FAM131C: variants seen among roughly 807,000 people sequenced by gnomAD.
FAM131C encodes protein FAM131C.
A neutral mutation model predicts 29.8 loss-of-function variants in FAM131C; 14 were observed. That is an observed-to-expected ratio of 0.47 (90% CI 0.31 to 0.73). The LOEUF is 0.73. Ranked by LOEUF, FAM131C falls within the 30% of genes least tolerant of loss-of-function variation. The probability of loss-of-function intolerance (pLI) is 0.05; values close to 1 mark genes in which losing one functional copy is unlikely to be tolerated. For synonymous variants in FAM131C, 86 were observed against 157.8 expected (o/e 0.54, Z 3.41); for missense variants, 252 against 383.8 (o/e 0.66, Z 2.87).
intron 2 of FAM131C, 49 bp from the exon 3 acceptor site, chr1:16,062,583 C>A: frequency 1.9e-6 from 3 of 1,545,016 alleles, no homozygotes; most frequent in Non-Finnish European, 2.6e-6. Context: ...CACGCTGTGC[C>A]AGCAGATGGC....
Position 16,073,545 on chromosome 1 carries a change from G to C in FAM131C, c.-103C>G, listed in dbSNP as rs111837937. 26,254 of 577,052 alleles carry C rather than the reference G, an allele frequency of 0.045. 1,088 individuals are homozygous for C. The highest frequency in any genetic ancestry group is 0.17 in the African/African-American group (8,801 of 50,718). The allele number at this position is 577,052 out of a possible 1,614,324, so 35.7% of individuals were successfully genotyped here. ...CTGAGCGCTGCGGAGCCAGAGGACGGGCGGGGCGGGGGGCTCGGGCGCCCT... is the reference window on the plus strand; with the variant it reads ...CTGAGCGCTGCGGAGCCAGAGGACGCGCGGGGCGGGGGGCTCGGGCGCCCT... On this transcript the variant is annotated 5_prime_UTR_variant, in exon 1 of 7. Transcript: ENST00000375662.
intron 1 of FAM131C, among the ~76,000 whole-genome samples, chr1:16,071,592 A>G (rs1394342572): frequency 1.3e-5 from 2 of 152,124 alleles, no homozygotes; most frequent in African/African-American, 4.8e-5. Flanking sequence ...TCCTGGATGC[A>G]TGTTGAGACT....
intron 6 of FAM131C, 120 bp from the exon 7 acceptor site, chr1:16,058,837 C>A: frequency 8.7e-7 from 1 of 1,147,982 alleles, no homozygotes; most frequent in Non-Finnish European, 1.2e-6. Context: ...TATGTGACGG[C>A]CGAGCCTTGT....
chr1:16,069,636 A>C (rs998054646), intron 1 of FAM131C, among the ~76,000 whole-genome samples: 1 of 152,202 alleles, frequency 6.6e-6, no homozygotes, highest in Non-Finnish European at 1.5e-5. Flanking sequence ...AGCCCCTGGA[A>C]CTGGAGAGAA....
rs1474633928 is a variant in FAM131C at position 16,059,607 on chromosome 1, G to A, written c.452-3C>T. ...GATGGCAAACTGCTCGGCGACCCCT[G>A]GGGGAACAGCGAGATCCAGCTCAGG... On this transcript the variant is annotated splice_polypyrimidine_tract_variant and splice_region_variant and intron_variant, in intron 5 of 6. Transcript: ENST00000375662. The A allele has an allele frequency of 1.9e-6, 3 of 1,590,258 alleles. No homozygotes were observed. Among genetic ancestry groups the A allele is most frequent in the African/African-American group, 2.7e-5 (2 of 74,126 alleles).
Position 16,059,921 on chromosome 1 carries a change from G to A in FAM131C, c.399C>T (p.Asp133=), listed in dbSNP as rs9442230. 0.74 allele frequency: 1,192,380 copies of A among 1,604,138 alleles called. 444,857 individuals carry two copies. Among genetic ancestry groups the A allele is most frequent in the Admixed American group, 0.84 (50,159 of 59,688 alleles). ...PAGWELSPAE[D]EHYCCLPDEL... Reference sequence around the variant, plus strand: ...CATCCGGGAGGCAGCAGTAATGCTCGTCCTCAGCTGGGGACAGCTCCCAGC... The same window carrying A: ...CATCCGGGAGGCAGCAGTAATGCTCATCCTCAGCTGGGGACAGCTCCCAGC... Residue 133 remains aspartate (D), a synonymous_variant, in exon 5 of 7, where the codon GAC becomes GAT. Coordinates refer to ENST00000375662, the MANE Select transcript of FAM131C (RefSeq NM_182623.3).
chr1:16,073,480 C>G lies in FAM131C; in HGVS notation c.-38G>C. On this transcript the variant is annotated 5_prime_UTR_variant, in exon 1 of 7. Transcript: ENST00000375662. ...GGGCCGGGCCGCTGCGCCCGGGGTG[C>G]GTGGGGCCGCGGGGCGTTCATGTCT... 1 of 1,179,350 alleles carries G rather than the reference C, an allele frequency of 8.5e-7. No homozygotes were observed. Among genetic ancestry groups the G allele is most frequent in the Non-Finnish European group, 1.1e-6 (1 of 950,166 alleles). The allele number at this position is 1,179,350 out of a possible 1,614,324, so 73.1% of individuals were successfully genotyped here. A position where few individuals can be genotyped will look rare whatever the true frequency, so the allele number is the denominator to read the frequency against.
Position 16,062,475 on chromosome 1 carries a change from A to G in FAM131C, c.174+24T>C. ...GTGGTGTCAGCTGGGGCCGGCTAGA[A>G]TGGGGACACACAAGTGCACTGACCT... On this transcript the variant is annotated intron_variant, in intron 3 of 6. Coordinates refer to ENST00000375662, the MANE Select transcript of FAM131C (RefSeq NM_182623.3). 3.2e-6 allele frequency: 5 copies of G among 1,578,632 alleles called. No homozygotes were observed. In the South Asian group the frequency reaches 5.8e-5, roughly 18 times the overall value.
At chr1:16,073,177 T>C (rs2023774891) in intron 1 of FAM131C, among the ~76,000 whole-genome samples, 1 of 152,072 alleles carries the variant, frequency 6.6e-6, no homozygotes, top group Admixed American at 6.5e-5. Context: ...GGGACCCTGC[T>C]TCGTGTCACC....
chr1:16,064,559 T>C (rs952277829), intron 1 of FAM131C, among the ~76,000 whole-genome samples: 3 of 152,180 alleles, frequency 2.0e-5, no homozygotes, highest in East Asian at 3.9e-4. Context: ...TATGCTGCGA[T>C]GTGTCTTGGG....
At chr1:16,059,830 A>C (rs1570352255) in intron 5 of FAM131C, 39 bp downstream of exon 5, 1 of 1,591,350 alleles carries the variant, frequency 6.3e-7, no homozygotes, top group African/African-American at 1.3e-5. Flanking sequence ...ACCCAGCTTC[A>C]CCCCCACAGA....
intron 1 of FAM131C, among the ~76,000 whole-genome samples, chr1:16,072,182 C>T (rs2023758618): frequency 6.6e-6 from 1 of 152,192 alleles, no homozygotes. Context: ...TTAATATCAG[C>T]TTAATGCATG....
chr1:16,063,164 T>C (rs1025065177), intron 2 of FAM131C, among the ~76,000 whole-genome samples: 1 of 148,366 alleles, frequency 6.7e-6, no homozygotes, highest in Non-Finnish European at 1.5e-5. Context: ...ATATAAGTTA[T>C]ATATTATATA....
intron 1 of FAM131C, among the ~76,000 whole-genome samples, chr1:16,066,194 C>A (rs1054951415): frequency 3.3e-5 from 5 of 152,302 alleles, no homozygotes; most frequent in African/African-American, 1.2e-4. Context: ...GCCTGAGATT[C>A]AAGTTTTCAT....
intron 1 of FAM131C, among the ~76,000 whole-genome samples, chr1:16,071,085 C>T (rs924704476): frequency 2.0e-5 from 3 of 152,258 alleles, no homozygotes; most frequent in Admixed American, 6.5e-5. Context: ...ACTCCCTCCA[C>T]CCTTCCTTCT....
At chr1:16,063,753 T>C in intron 1 of FAM131C, 117 bp from the exon 2 acceptor site, 1 of 639,460 alleles carries the variant, frequency 1.6e-6, no homozygotes, top group Non-Finnish European at 2.6e-6. Context: ...AACAACATCG[T>C]AGAGAAAGCA....
intron 1 of FAM131C, among the ~76,000 whole-genome samples, chr1:16,064,412 C>T (rs1170923818): frequency 6.6e-6 from 1 of 152,190 alleles, no homozygotes; most frequent in African/African-American, 2.4e-5. Flanking sequence ...GTTCCTGCTG[C>T]ACCCAAGACC....
intron 2 of FAM131C, among the ~76,000 whole-genome samples, chr1:16,063,095 A>G (rs1052597301): frequency 1.3e-5 from 2 of 148,678 alleles, no homozygotes; most frequent in African/African-American, 2.4e-5. Flanking sequence ...TGAGAAACAT[A>G]TATAAAATTT....
At chr1:16,058,991 C>T (rs1395265395) in intron 6 of FAM131C, among the ~76,000 whole-genome samples, 2 of 152,240 alleles carry the variant, frequency 1.3e-5, no homozygotes, top group East Asian at 1.9e-4. Flanking sequence ...GTCCCCTCCC[C>T]GTCCCTCTTG....
Sources: allele counts gnomAD v4.1 joint callset (sites outside exome capture counted in the v4.1 genomes callset), GRCh38; gene constraint gnomAD v4.1.1; transcripts MANE v1.5; gene names NCBI Gene and HGNC (gene_info 2026-07-23, HGNC 2026-07-21).